Variants in EXOSC9 observed in about 807,000 individuals in gnomAD.
EXOSC9 encodes exosome component 9.
In EXOSC9, 38 loss-of-function variants were observed where a neutral mutation model predicts 56.5. The ratio of observed to expected loss-of-function variants is 0.67; its 90% CI spans 0.52 to 0.88. The LOEUF (loss-of-function observed/expected upper bound fraction) is 0.88, where lower values mean the gene tolerates loss of function less well. Ranked by LOEUF, EXOSC9 falls within the 40% of genes least tolerant of loss-of-function variation. EXOSC9 has a pLI of 0.00. For synonymous variants in EXOSC9, 170 were observed against 170.8 expected, an observed-to-expected ratio of 0.99 and a Z score of 0.04; for missense variants, 559 against 530.5, an observed-to-expected ratio of 1.05 and a Z score of -0.53.
rs143249010 is a variant in EXOSC9, at chr4:121,813,971, C to T, written c.1080C>T (p.Gly360=). ...LEDSEKEDDE[G]GGDQAIILDG... ...ACTCTGAGAAGGAAGATGATGAAGG[C>T]GGTGGTGATCAAGCTATCATTCTTG... Residue 360 remains glycine, a synonymous_variant, in exon 10 of 12, where the codon GGC becomes GGT. Coordinates refer to ENST00000243498, the MANE Select transcript of EXOSC9 (RefSeq NM_005033.3). 14 of 1,613,304 alleles carry T rather than the reference C, an allele frequency of 8.7e-6. No homozygotes were observed. The highest frequency in any genetic ancestry group is 1.7e-4 in the Middle Eastern group (1 of 6,058).
chr4:121,813,358 G>A lies in EXOSC9; in HGVS notation c.952G>A (p.Glu318Lys), dbSNP rs767801771. The A allele has an allele frequency of 5.0e-6, 8 of 1,613,222 alleles. No homozygotes were observed. The highest frequency in any genetic ancestry group is 6.8e-6 in the Non-Finnish European group (8 of 1,179,730). The change falls in exon 9 of 12, where the codon GAA (glutamate) becomes AAA (lysine). Residue 318 changes from glutamate (E) to lysine (K), a missense_variant. Transcript: ENST00000243498. ...AGAAAAAGCAGAAGAAATCATTGCTGAAGCAGAACCTCCTTCAGAAGTGTA... is the reference window on the plus strand; with the variant it reads ...AGAAAAAGCAGAAGAAATCATTGCTAAAGCAGAACCTCCTTCAGAAGTGTA... Reference protein sequence around the residue: ...VEEKAEEIIAEAEPPSEVVST... With the variant: ...VEEKAEEIIAKAEPPSEVVST...
chr4:121,816,057 A>T (rs1364610645), intron 10 of EXOSC9: 1 of 853,108 alleles, frequency 1.2e-6, no homozygotes, highest in East Asian at 3.2e-5. Context: ...CCATGGGTTC[A>T]AGCGATTCTC....
chr4:121,801,756 C>T (rs1726872487), intron 1 of EXOSC9, 71 bp from the exon 2 acceptor site: 10 of 1,339,732 alleles, frequency 7.5e-6, no homozygotes, highest in African/African-American at 1.4e-5. Flanking sequence ...TAGCCCAGGG[C>T]CAGACAAAAA....
chr4:121,801,950 C>T (rs773780241), intron 2 of EXOSC9, 29 bp downstream of exon 2: 3 of 1,506,526 alleles, frequency 2.0e-6, no homozygotes, highest in East Asian at 2.3e-5. Context: ...GATACACATT[C>T]GGAAGGGAGA....
intron 8 of EXOSC9, 30 bp from the exon 9 acceptor site, chr4:121,813,204 C>T (rs373175114): frequency 6.6e-5 from 105 of 1,586,846 alleles, no homozygotes; most frequent in African/African-American, 3.4e-4. Flanking sequence ...CCTCCCCCTT[C>T]CTTCCCACCA....
At chr4:121,813,418 A>AT in intron 9 of EXOSC9, 38 bp downstream of exon 9, 1 of 1,579,396 alleles carries the variant, frequency 6.3e-7, no homozygotes. Flanking sequence ...AACAAGATTC[A>AT]TAACACTTGG....
At chr4:121,802,826 C>A (rs1402482396) in intron 3 of EXOSC9, 33 bp downstream of exon 3, 2 of 1,613,188 alleles carry the variant, frequency 1.2e-6, no homozygotes, top group South Asian at 2.2e-5. Flanking sequence ...TTGCTTTAGT[C>A]ATAGGAGAAC....
At chr4:121,811,748 A>G in intron 8 of EXOSC9, 77 bp downstream of exon 8, 1 of 586,160 alleles carries the variant, frequency 1.7e-6, no homozygotes, top group Non-Finnish European at 2.8e-6. Context: ...AGTATAAGCA[A>G]GCTTTATTAT....
At chr4:121,812,023 T>G (rs1339147509) in intron 8 of EXOSC9, among the ~76,000 whole-genome samples, 1 of 151,934 alleles carries the variant, frequency 6.6e-6, no homozygotes, top group East Asian at 1.9e-4. Context: ...CAGTGACTTG[T>G]GGATAGTTGC....
At position 121,816,768 on chromosome 4, in the gene EXOSC9, A is replaced by C; in HGVS notation, c.1236-4A>C. On this transcript the variant is annotated splice_polypyrimidine_tract_variant and splice_region_variant and intron_variant, in intron 11 of 11. Coordinates refer to ENST00000243498, the MANE Select transcript of EXOSC9 (RefSeq NM_005033.3). ...AGTAAATTCTTACTTTGCTTTATTC[A>C]CAGAACACAGACCACCAGTGCAAAA... 6.3e-7 allele frequency: 1 copy of C among 1,579,238 alleles called. No homozygotes were observed. Among genetic ancestry groups the C allele is most frequent in the Non-Finnish European group, 8.6e-7 (1 of 1,167,576 alleles).
At chr4:121,813,473 G>T in intron 9 of EXOSC9, 93 bp downstream of exon 9, 1 of 1,140,916 alleles carries the variant, frequency 8.8e-7, no homozygotes, top group Non-Finnish European at 1.3e-6. Context: ...ACTGAAATTA[G>T]TTTTTGTAAA....
chr4:121,802,616 T>C, intron 2 of EXOSC9, 58 bp from the exon 3 acceptor site: 1 of 1,566,246 alleles, frequency 6.4e-7, no homozygotes, highest in East Asian at 2.2e-5. Context: ...TCTGTTTCAG[T>C]TTTTTGTTTT....
chr4:121,802,755 A>ACT lies in EXOSC9; in HGVS notation c.249_250dup (p.Gln84LeufsTer18), dbSNP rs765876840. 1 of 1,613,714 alleles carries ACT rather than the reference A, an allele frequency of 6.2e-7. No homozygotes were observed. The highest frequency in any genetic ancestry group is 8.5e-7 in the Non-Finnish European group (1 of 1,179,950). ...AAGGTATTCTTTTTTTTAACCTTGA[A>ACT]CTCTCTCAGATGGCCGCTCCAGCTT... On this transcript the variant is annotated frameshift_variant, in exon 3 of 12. Coordinates refer to ENST00000243498, the MANE Select transcript of EXOSC9 (RefSeq NM_005033.3). LOFTEE classifies it high-confidence loss of function.
At chr4:121,811,451 T>G in intron 7 of EXOSC9, 132 bp from the exon 8 acceptor site, 2 of 518,216 alleles carry the variant, frequency 3.9e-6, no homozygotes, top group Non-Finnish European at 6.8e-6. Context: ...TTAATCTGTG[T>G]TTACATTGTA....
intron 2 of EXOSC9, 134 bp from the exon 3 acceptor site, chr4:121,802,540 A>AT (rs1726898090): frequency 2.6e-6 from 2 of 780,380 alleles, no homozygotes; most frequent in African/African-American, 1.8e-5. Context: ...TTTACATATA[A>AT]TTTTTATCTC....
At chr4:121,807,296 A>G (rs1039590322) in intron 5 of EXOSC9, among the ~76,000 whole-genome samples, 2 of 152,206 alleles carry the variant, frequency 1.3e-5, no homozygotes, top group Admixed American at 1.3e-4. Flanking sequence ...ATCTCCAAAA[A>G]AAAAAGTGGA....
At chr4:121,816,332 CTTT>C (rs35942869) in intron 10 of EXOSC9, 34 bp from the exon 11 acceptor site, 123 of 956,878 alleles carry the variant, frequency 1.3e-4, no homozygotes, top group South Asian at 2.8e-4. Context: ...GATTGCTTAA[CTTT>C]TTTTTTTTTT....
At chr4:121,808,830 A>G (rs780461989) in intron 6 of EXOSC9, among the ~76,000 whole-genome samples, 8 of 151,840 alleles carry the variant, frequency 5.3e-5, no homozygotes, top group Middle Eastern at 6.8e-3. Flanking sequence ...GGTGCACACC[A>G]TGCCCAGCTA....
chr4:121,813,491 C>CCAA (rs1379116542), intron 9 of EXOSC9, 111 bp downstream of exon 9: 7 of 913,996 alleles, frequency 7.7e-6, no homozygotes, highest in Non-Finnish European at 1.2e-5. Flanking sequence ...AAACACTGTA[C>CCAA]TTTGTTAGAG....
Sources: gnomAD v4.1 joint callset for allele counts (sites outside exome capture counted in the v4.1 genomes callset) on GRCh38, gnomAD v4.1.1 for gene constraint, MANE v1.5 for transcripts, NCBI Gene and HGNC (gene_info 2026-07-23, HGNC 2026-07-21) for gene names.